The following LRP1B variants were observed in gnomAD, a reference collection of about 807,000 sequenced individuals.
LRP1B encodes the protein low-density lipoprotein receptor-related protein 1B.
LRP1B carries 217 observed loss-of-function variants against 556.6 expected under a neutral mutation model. The observed-to-expected ratio is 0.39, with a 90% CI of 0.35 to 0.44. The LOEUF is 0.44. Ranked by LOEUF, LRP1B falls within the 20% of genes least tolerant of loss-of-function variation. The pLI is 1.00. For missense variants in LRP1B, 5,053 were observed against 5,620.8 expected (o/e 0.90, Z 3.23); for synonymous variants, 2,047 against 1,865.8 (o/e 1.10, Z -2.50).
intron 43 of LRP1B, among the ~76,000 whole-genome samples, chr2:140,556,642 A>T (rs1337242789): frequency 6.6e-6 from 1 of 152,102 alleles, no homozygotes; most frequent in East Asian, 1.9e-4. Context: ...TGAACTTAAC[A>T]ATGGGCAAGG....
At chr2:141,610,239 G>A (rs1425824642) in intron 2 of LRP1B, among the ~76,000 whole-genome samples, 3 of 139,610 alleles carry the variant, frequency 2.1e-5, no homozygotes, top group African/African-American at 7.6e-5. Context: ...AATGGGTGCG[G>A]CACACCAGCA....
At chr2:141,821,813 T>C (rs1696760369) in intron 1 of LRP1B, among the ~76,000 whole-genome samples, 2 of 152,160 alleles carry the variant, frequency 1.3e-5, no homozygotes, top group East Asian at 1.9e-4. Context: ...AAACATCTTA[T>C]ATAAAACCGA....
At chr2:140,517,514 A>T (rs560958694) in intron 49 of LRP1B, among the ~76,000 whole-genome samples, 2 of 152,186 alleles carry the variant, frequency 1.3e-5, no homozygotes, top group African/African-American at 4.8e-5. Flanking sequence ...CAGGATTTAA[A>T]CAATTATTCT....
intron 2 of LRP1B, among the ~76,000 whole-genome samples, chr2:141,766,670 T>C (rs1006670497): frequency 1.3e-5 from 2 of 152,198 alleles, no homozygotes; most frequent in Admixed American, 6.5e-5. Flanking sequence ...AGTGCCTTTA[T>C]GAAGACCTGC....
Position 141,340,303 on chromosome 2 carries a change from T to C in LRP1B, c.344-85662A>G, listed in dbSNP as rs542576607. On this transcript the variant is annotated intron_variant, in intron 3 of 90. Coordinates refer to ENST00000389484, the MANE Select transcript of LRP1B (RefSeq NM_018557.3). ...ATGTGAGAAGCACCAGGCAGCACTGTTTGCTGACTATATCAATTCTTTTTC... is the reference window on the plus strand; with the variant it reads ...ATGTGAGAAGCACCAGGCAGCACTGCTTGCTGACTATATCAATTCTTTTTC... Among the ~76,000 whole-genome samples, 11 of 152,370 alleles carry C rather than the reference T, an allele frequency of 7.2e-5. No homozygotes were observed. The South Asian group carries it at 2.3e-3, about 32-fold the overall frequency.
chr2:140,897,536 T>C (rs1012525096), intron 23 of LRP1B, among the ~76,000 whole-genome samples: 1 of 152,214 alleles, frequency 6.6e-6, no homozygotes, highest in African/African-American at 2.4e-5. Flanking sequence ...TGTGAGGCTG[T>C]TGCCAAAGGA....
chr2:141,098,691 C>G (rs1558859593), intron 7 of LRP1B, among the ~76,000 whole-genome samples: 1 of 152,120 alleles, frequency 6.6e-6, no homozygotes, highest in African/African-American at 2.4e-5. Flanking sequence ...GAGTTTCACT[C>G]TTGTTGCCCA....
chr2:141,190,055 A>G (rs1411816492), intron 6 of LRP1B, among the ~76,000 whole-genome samples: 1 of 151,974 alleles, frequency 6.6e-6, no homozygotes, highest in African/African-American at 2.4e-5. Context: ...AGGTCAACAC[A>G]CCACGTCTTT....
In LRP1B at chr2:140,677,762, G is replaced by A. The variant is rs527519409; in HGVS notation, c.6799+22488C>T. 1.6e-3 allele frequency among the ~76,000 whole-genome samples: 249 copies of A among 151,960 alleles called. 3 individuals are homozygous for A. Among genetic ancestry groups the A allele is most frequent in the South Asian group, 7.5e-3 (36 of 4,806 alleles). ...TTGGTGGCAGGCACCTGTAATCCCA[G>A]CTACTCGGGAGGCTGAGGCGGGAGA... On this transcript the variant is annotated intron_variant, in intron 41 of 90. Coordinates refer to ENST00000389484, the MANE Select transcript of LRP1B (RefSeq NM_018557.3).
intron 60 of LRP1B, among the ~76,000 whole-genome samples, chr2:140,464,127 C>T (rs981930665): frequency 1.3e-5 from 2 of 151,954 alleles, no homozygotes; most frequent in Admixed American, 1.3e-4. Flanking sequence ...ATCCGGGAGG[C>T]AGAGGTTGCA....
chr2:141,099,979 A>C (rs1700417707), intron 7 of LRP1B, among the ~76,000 whole-genome samples: 1 of 152,180 alleles, frequency 6.6e-6, no homozygotes, highest in Admixed American at 6.5e-5. Flanking sequence ...AAAATATATT[A>C]ACTCCCACTT....
intron 6 of LRP1B, among the ~76,000 whole-genome samples, chr2:141,204,907 A>C (rs1348299228): frequency 6.6e-6 from 1 of 152,106 alleles, no homozygotes; most frequent in Non-Finnish European, 1.5e-5. Flanking sequence ...ACTGCACCCT[A>C]GCCTGGGTGA....
At chr2:140,526,146 T>C in intron 48 of LRP1B, 91 bp downstream of exon 48, 1 of 1,399,858 alleles carries the variant, frequency 7.1e-7, no homozygotes, top group Non-Finnish European at 1.0e-6. Flanking sequence ...ATACCAATTT[T>C]GGACAAAGTT....
chr2:140,725,704 AAAAT>A (rs1388130885), intron 35 of LRP1B, among the ~76,000 whole-genome samples: 4 of 151,868 alleles, frequency 2.6e-5, no homozygotes, highest in African/African-American at 4.8e-5. Context: ...AATAAATAAA[AAAAT>A]AAATAAAGTA....
At chr2:140,785,873 T>A (rs1278749459) in intron 32 of LRP1B, among the ~76,000 whole-genome samples, 1 of 152,084 alleles carries the variant, frequency 6.6e-6, no homozygotes, top group African/African-American at 2.4e-5. Flanking sequence ...CGGTCACTGT[T>A]TTTTCCCTCT....
At chr2:141,312,715 G>T (rs1439853701) in intron 3 of LRP1B, among the ~76,000 whole-genome samples, 3 of 150,402 alleles carry the variant, frequency 2.0e-5, no homozygotes, top group African/African-American at 7.4e-5. Context: ...TTGTGATGAA[G>T]TCTTGCTCTG....
At chr2:140,570,300 A>C (rs985538305) in intron 43 of LRP1B, among the ~76,000 whole-genome samples, 3 of 151,432 alleles carry the variant, frequency 2.0e-5, no homozygotes, top group Non-Finnish European at 4.4e-5. Flanking sequence ...GTAACCAGGA[A>C]AAAAAAACAA....
chr2:140,899,708 A>G (rs1694047689), intron 23 of LRP1B, among the ~76,000 whole-genome samples: 1 of 152,214 alleles, frequency 6.6e-6, no homozygotes, highest in Non-Finnish European at 1.5e-5. Context: ...GCTTTGTCAG[A>G]GAAGCACCAA....
chr2:140,868,534 C>T (rs1693024537), intron 25 of LRP1B, among the ~76,000 whole-genome samples: 1 of 151,856 alleles, frequency 6.6e-6, no homozygotes, highest in Admixed American at 6.6e-5. Context: ...AGAAGGTGAT[C>T]AGAAAAAAGC....
Sources: gnomAD v4.1 joint callset for allele counts (sites outside exome capture counted in the v4.1 genomes callset) on GRCh38, gnomAD v4.1.1 for gene constraint, MANE v1.5 for transcripts, NCBI Gene and HGNC (gene_info 2026-07-23, HGNC 2026-07-21) for gene names.